Variants in CNTNAP2 observed in about 807,000 individuals in gnomAD.
CNTNAP2 encodes contactin-associated protein-like 2.
Under a neutral mutation model 155.2 loss-of-function variants are expected in CNTNAP2, and 98 were observed. That is an observed-to-expected ratio of 0.63 (90% confidence interval 0.54 to 0.75). The LOEUF is 0.75. Among genes scored for constraint, CNTNAP2 ranks in the 30% least tolerant of loss-of-function variants. CNTNAP2 has a pLI of 0.00. For missense variants in CNTNAP2, 1,727 were observed against 1,688.1 expected (o/e 1.02, Z -0.40); for synonymous variants, 651 against 631.2 (o/e 1.03, Z -0.47).
At chr7:147,948,865 A>G (rs1800869362) in intron 14 of CNTNAP2, among the ~76,000 whole-genome samples, 1 of 152,110 alleles carries the variant, frequency 6.6e-6, no homozygotes, top group Non-Finnish European at 1.5e-5. Context: ...TATATTATAT[A>G]TTGTAATCTT....
chr7:148,037,172 T>C (rs1209244192), intron 15 of CNTNAP2, among the ~76,000 whole-genome samples: 1 of 152,224 alleles, frequency 6.6e-6, no homozygotes, highest in African/African-American at 2.4e-5. Context: ...ACTCAAACAT[T>C]TGAAGACATT....
At chr7:146,929,212 A>G (rs926888346) in intron 3 of CNTNAP2, among the ~76,000 whole-genome samples, 2 of 152,178 alleles carry the variant, frequency 1.3e-5, no homozygotes, top group Non-Finnish European at 2.9e-5. Context: ...CTGACACCTC[A>G]CACGGCCGGG....
In CNTNAP2 at chr7:148,150,194, T is replaced by G. The variant is rs192491684; in HGVS notation, c.2773+2485T>G. Among the ~76,000 whole-genome samples the G allele has an allele frequency of 2.9e-3, 423 of 147,998 alleles. 7 individuals are homozygous for G. Among genetic ancestry groups the G allele is most frequent in the Admixed American group, 8.6e-3 (128 of 14,916 alleles). ...TTGGGAGGCCGAGGCAGGCGGATCA[T>G]GAGTTCAGGAGTTCAAGACCATCCT... On this transcript the variant is annotated intron_variant, in intron 17 of 23. Coordinates refer to ENST00000361727, the MANE Select transcript of CNTNAP2 (RefSeq NM_014141.6).
chr7:148,237,498 A>T (rs1311590949), intron 20 of CNTNAP2, among the ~76,000 whole-genome samples: 1 of 152,194 alleles, frequency 6.6e-6, no homozygotes, highest in African/African-American at 2.4e-5. Flanking sequence ...AGAGAACATG[A>T]TGTTAAACAA....
intron 1 of CNTNAP2, among the ~76,000 whole-genome samples, chr7:146,552,052 C>G (rs1376368184): frequency 6.6e-6 from 1 of 152,114 alleles, no homozygotes; most frequent in South Asian, 2.1e-4. Flanking sequence ...ATAAGCTGGG[C>G]TCATGAAGGG....
intron 14 of CNTNAP2, among the ~76,000 whole-genome samples, chr7:147,949,511 A>G (rs1800887334): frequency 6.6e-6 from 1 of 150,658 alleles, no homozygotes; most frequent in Non-Finnish European, 1.5e-5. Context: ...CAAAGCTATA[A>G]TCCTGACTGG....
intron 3 of CNTNAP2, among the ~76,000 whole-genome samples, chr7:146,841,838 T>C (rs1300874991): frequency 1.3e-5 from 2 of 150,524 alleles, no homozygotes; most frequent in African/African-American, 4.9e-5. Context: ...TGCAGAGACA[T>C]AAGGAAAAAA....
At chr7:147,241,529 A>G (rs1251801280) in intron 8 of CNTNAP2, among the ~76,000 whole-genome samples, 4 of 151,672 alleles carry the variant, frequency 2.6e-5, no homozygotes, top group African/African-American at 7.3e-5. Context: ...TCAGGAGGCT[A>G]AGGCAGGAGA....
intron 1 of CNTNAP2, among the ~76,000 whole-genome samples, chr7:146,333,108 C>A (rs1801213340): frequency 6.6e-6 from 1 of 151,820 alleles, no homozygotes; most frequent in African/African-American, 2.4e-5. Flanking sequence ...TACTGCCTGG[C>A]TAATTTTTAT....
At chr7:146,141,792 A>G (rs1797885126) in intron 1 of CNTNAP2, among the ~76,000 whole-genome samples, 1 of 152,144 alleles carries the variant, frequency 6.6e-6, no homozygotes, top group Admixed American at 6.6e-5. Flanking sequence ...CCTGTAAGAC[A>G]CGCATCATTC....
At chr7:146,528,036 G>A (rs920479589) in intron 1 of CNTNAP2, among the ~76,000 whole-genome samples, 1 of 151,954 alleles carries the variant, frequency 6.6e-6, no homozygotes, top group Non-Finnish European at 1.5e-5. Flanking sequence ...TCATTTTATT[G>A]TCTTCTTTCT....
At chr7:148,393,057 AT>A (rs966542438) in intron 22 of CNTNAP2, among the ~76,000 whole-genome samples, 1 of 151,786 alleles carries the variant, frequency 6.6e-6, no homozygotes, top group Non-Finnish European at 1.5e-5. Flanking sequence ...TCATCTGGCC[AT>A]AAAATATTTT....
intron 20 of CNTNAP2, among the ~76,000 whole-genome samples, chr7:148,233,145 G>A (rs1795990807): frequency 6.6e-6 from 1 of 152,242 alleles, no homozygotes; most frequent in Admixed American, 6.5e-5. Context: ...AGTCTGGCAT[G>A]CAGTGAAAAA....
intron 8 of CNTNAP2, among the ~76,000 whole-genome samples, chr7:147,299,272 T>C (rs1381420455): frequency 6.6e-6 from 1 of 152,152 alleles, no homozygotes; most frequent in Non-Finnish European, 1.5e-5. Context: ...GCTTTTTAAT[T>C]TTCTGACTAT....
intron 13 of CNTNAP2, among the ~76,000 whole-genome samples, chr7:147,737,973 G>A (rs1013369291): frequency 5.9e-5 from 9 of 152,214 alleles, no homozygotes; most frequent in African/African-American, 1.9e-4. Flanking sequence ...TCCCGGGTGA[G>A]GCGATGCCTT....
intron 1 of CNTNAP2, chr7:146,311,686 GAAGA>G (rs1800826579): frequency 7.1e-6 from 1 of 140,408 alleles, no homozygotes; most frequent in South Asian, 2.3e-4. Flanking sequence ...AGAAAGAAAA[GAAGA>G]AAAGAAAGAA....
chr7:148,032,091 T>G (rs1230860883), intron 15 of CNTNAP2, among the ~76,000 whole-genome samples: 7 of 152,142 alleles, frequency 4.6e-5, no homozygotes, highest in Non-Finnish European at 1.5e-5. Flanking sequence ...AAAGAATTAA[T>G]GTGCCTCCCT....
intron 1 of CNTNAP2, among the ~76,000 whole-genome samples, chr7:146,314,167 G>C (rs1347718416): frequency 6.6e-6 from 1 of 152,074 alleles, no homozygotes; most frequent in Non-Finnish European, 1.5e-5. Context: ...GAAATCAATT[G>C]ATCATAAATA....
intron 1 of CNTNAP2, among the ~76,000 whole-genome samples, chr7:146,622,956 CA>C (rs1285951271): frequency 3.4e-3 from 280 of 83,028 alleles, no homozygotes; most frequent in Middle Eastern, 9.1e-3. Flanking sequence ...GACTCCATCT[CA>C]AAAAAAAAAA....
Sources: gnomAD v4.1 joint callset for allele counts (sites outside exome capture counted in the v4.1 genomes callset) on GRCh38, gnomAD v4.1.1 for gene constraint, MANE v1.5 for transcripts, NCBI Gene and HGNC (gene_info 2026-07-23, HGNC 2026-07-21) for gene names.